The following ARL10 variants were observed in gnomAD, a reference collection of about 807,000 sequenced individuals.
ARL10 encodes the protein ARF like GTPase 10.
A neutral mutation model predicts 26.1 loss-of-function variants in ARL10; 23 were observed. That is an observed-to-expected ratio of 0.88 (90% confidence interval 0.63 to 1.25). The LOEUF (loss-of-function observed/expected upper bound fraction) is 1.25, where lower values mean the gene tolerates loss of function less well. Among genes scored for constraint, ARL10 ranks in the 50% most tolerant of loss-of-function variants. The probability of loss-of-function intolerance (pLI) is 0.00; values close to 1 mark genes in which losing one functional copy is unlikely to be tolerated. For synonymous variants in ARL10, 138 were observed against 149.1 expected, an observed-to-expected ratio of 0.93 and a Z score of 0.54; for missense variants, 300 against 323.6, an observed-to-expected ratio of 0.93 and a Z score of 0.56.
chr5:176,404,485 C>T (rs1232435670), downstream of ARL10, among the ~76,000 whole-genome samples: 1 of 152,228 alleles, frequency 6.6e-6, no homozygotes, highest in Non-Finnish European at 1.5e-5. Context: ...GACTAGCCCA[C>T]AGCCAGCCAG....
chr5:176,380,904 T>A lies in ARL10; in HGVS notation c.*9009T>A, dbSNP rs1473553435. 6.6e-6 allele frequency: 1 copy of A among 152,210 alleles called. No individual in the cohort carries two copies. Among genetic ancestry groups the A allele is most frequent in the African/African-American group, 2.4e-5 (1 of 41,432 alleles). The allele number at this position is 152,210 out of a possible 1,614,324, so 9.4% of individuals were successfully genotyped here. On this transcript the variant is annotated 3_prime_UTR_variant, in exon 4 of 4. Coordinates refer to ENST00000310389, the MANE Select transcript of ARL10 (RefSeq NM_173664.6). ...CCTCAGCCTCCTGAGTAGCTGGGAC[T>A]ACAGGCATACACCACCACACGCCCA...
At chr5:176,411,807 C>A in the ARL10 span, among the ~76,000 whole-genome samples, 3 of 152,194 alleles carry the variant, frequency 2.0e-5, 1 homozygote, top group Admixed American at 6.6e-5. Context: ...TCCCACAAAC[C>A]CTAAATTCTG....
chr5:176,377,208 T>C lies in ARL10; in HGVS notation c.*5313T>C, dbSNP rs575246986. The stretch of plus-strand genomic sequence containing the variant: ...AGAAAAAAATGAAATTCAAAGCCAA[T>C]GGTGGTATCTTTGGCCAAGATAATC... On this transcript the variant is annotated 3_prime_UTR_variant, in exon 4 of 4. Transcript: ENST00000310389. This position sits in a 1 kb window ranked among gnomAD's most constrained non-coding sequence, Gnocchi z 4.5. 19 of 152,362 alleles carry C rather than the reference T, an allele frequency of 1.2e-4. No homozygotes were observed. The highest frequency in any genetic ancestry group is 2.2e-4 in the Non-Finnish European group (15 of 68,028). The allele number at this position is 152,362 out of a possible 1,614,324, so 9.4% of individuals were successfully genotyped here. A position where few individuals can be genotyped will look rare whatever the true frequency, so the allele number is the denominator to read the frequency against.
Position 176,374,902 on chromosome 5 carries a change from T to G in ARL10, c.*3007T>G, listed in dbSNP as rs1486652497. ...ATCCTTGATGTGTTTGGTGGCAGTA[T>G]CTACAGAAGCGGCAGCCACCACCGC... On this transcript the variant is annotated 3_prime_UTR_variant, in exon 4 of 4. Transcript: ENST00000310389. The G allele has an allele frequency of 6.6e-6, 1 of 152,222 alleles. No individual in the cohort carries two copies. Among genetic ancestry groups the G allele is most frequent in the African/African-American group, 2.4e-5 (1 of 41,456 alleles). 9.4% of individuals were successfully genotyped at this position (152,222 alleles called of 1,614,324 possible).
At position 176,374,682 on chromosome 5, in the gene ARL10, C is replaced by T. The variant is rs1768638074; in HGVS notation, c.*2787C>T. 1 of 152,168 alleles carries T rather than the reference C, an allele frequency of 6.6e-6. No individual in the cohort carries two copies. Among genetic ancestry groups the T allele is most frequent in the Admixed American group, 6.5e-5 (1 of 15,274 alleles). The allele number at this position is 152,168 out of a possible 1,614,324, so 9.4% of individuals were successfully genotyped here. Reference sequence around the variant, plus strand: ...AAGGACATAGTTCACTATGAAGTACCTTAATTGTAAAGTGTTTGATTTTTT... The same window carrying T: ...AAGGACATAGTTCACTATGAAGTACTTTAATTGTAAAGTGTTTGATTTTTT... On this transcript the variant is annotated 3_prime_UTR_variant, in exon 4 of 4. Coordinates refer to ENST00000310389, the MANE Select transcript of ARL10 (RefSeq NM_173664.6).
chr5:176,412,040 G>T, the ARL10 span, among the ~76,000 whole-genome samples: 11 of 152,020 alleles, frequency 7.2e-5, no homozygotes, highest in Middle Eastern at 6.3e-3. Context: ...GCCAGGCGTG[G>T]TGGCAGGCGC....
the ARL10 span, among the ~76,000 whole-genome samples, chr5:176,412,766 A>G: frequency 6.6e-6 from 1 of 152,168 alleles, no homozygotes; most frequent in African/African-American, 2.4e-5. Flanking sequence ...ATTCCTTCAG[A>G]TAAGGCTTCT....
At position 176,374,491 on chromosome 5, in the gene ARL10, G is replaced by T. The variant is rs1284370419; in HGVS notation, c.*2596G>T. ...TACAACACATCAGTGGGGACCTTAG[G>T]ATGGCTATCAGGAGTGTAATACCAA... On this transcript the variant is annotated 3_prime_UTR_variant, in exon 4 of 4. Coordinates refer to ENST00000310389, the MANE Select transcript of ARL10 (RefSeq NM_173664.6). 6.6e-6 allele frequency: 1 copy of T among 152,174 alleles called. No homozygotes were observed. The highest frequency in any genetic ancestry group is 1.5e-5 in the Non-Finnish European group (1 of 68,040). 9.4% of individuals were successfully genotyped at this position (152,174 alleles called of 1,614,324 possible).
intron 2 of ARL10, among the ~76,000 whole-genome samples, chr5:176,367,757 T>C (rs1462510909): frequency 6.6e-6 from 1 of 152,256 alleles, no homozygotes; most frequent in African/African-American, 2.4e-5. Flanking sequence ...TGCCACTTCC[T>C]TGATGAGACC....
At chr5:176,403,147 T>C (rs1035691135), downstream of ARL10, among the ~76,000 whole-genome samples, 1 of 151,344 alleles carries the variant, frequency 6.6e-6, no homozygotes, top group African/African-American at 2.4e-5. Flanking sequence ...CCTCCTGGGT[T>C]CAAGCGATTC....
chr5:176,403,084 C>T (rs1581434817), downstream of ARL10, among the ~76,000 whole-genome samples: 1 of 146,334 alleles, frequency 6.8e-6, no homozygotes, highest in East Asian at 2.0e-4. Flanking sequence ...GAGTCTCGCT[C>T]TGTCGCCCAG....
chr5:176,414,508 G>A, the ARL10 span, among the ~76,000 whole-genome samples: 12 of 147,676 alleles, frequency 8.1e-5, no homozygotes, highest in Non-Finnish European at 7.5e-5. Context: ...CACAGCACAC[G>A]GCGACCTACC....
chr5:176,397,296 GT>G (rs1412153132), intron 1 of ARL10, among the ~76,000 whole-genome samples: 3 of 151,478 alleles, frequency 2.0e-5, no homozygotes, highest in African/African-American at 7.3e-5. Context: ...GTTCAGTCAT[GT>G]CCCCACAGCC....
At chr5:176,390,182 C>CAAAAAA (rs60632467), downstream of ARL10, among the ~76,000 whole-genome samples, 32 of 65,190 alleles carry the variant, frequency 4.9e-4, no homozygotes, top group Non-Finnish European at 6.5e-4. Flanking sequence ...AACTCCATCT[C>CAAAAAA]AAAAAAAAAA....
intron 1 of ARL10, chr5:176,397,886 A>G: frequency 6.4e-7 from 1 of 1,556,252 alleles, no homozygotes; most frequent in Middle Eastern, 1.7e-4. Context: ...ACTCCACCCC[A>G]CACACAGCCC....
At chr5:176,406,271 C>T, downstream of ARL10, 3 of 1,040,374 alleles carry the variant, frequency 2.9e-6, no homozygotes, top group Non-Finnish European at 3.5e-6. Flanking sequence ...GAGAAAGGGG[C>T]AGGAATGGCC....
downstream of ARL10, chr5:176,406,665 A>T (rs1251930155): frequency 1.6e-6 from 2 of 1,289,184 alleles, no homozygotes; most frequent in South Asian, 2.5e-5. Context: ...CTTAGGCTGT[A>T]TTGGCAACTG....
At chr5:176,392,711 A>T (rs1756311692), downstream of ARL10, 4 of 1,582,718 alleles carry the variant, frequency 2.5e-6, no homozygotes, top group African/African-American at 2.7e-5. The surrounding 1 kb of genome is among the most constrained non-coding windows in gnomAD (Gnocchi z 5.2). Flanking sequence ...CCCCGACCAA[A>T]GCAGCTGCTC....
At position 176,376,838 on chromosome 5, in the gene ARL10, A is replaced by G. The variant is rs548383821; in HGVS notation, c.*4943A>G. 6.6e-6 allele frequency: 1 copy of G among 152,342 alleles called. No individual in the cohort carries two copies. The highest frequency in any genetic ancestry group is 2.1e-4 in the South Asian group (1 of 4,830). 9.4% of individuals were successfully genotyped at this position (152,342 alleles called of 1,614,324 possible). ...CTGAAGTTTTACCACAGTGTGGGTAATAGAAGAACTTGGTATTGTCTCTTT... is the reference window on the plus strand; with the variant it reads ...CTGAAGTTTTACCACAGTGTGGGTAGTAGAAGAACTTGGTATTGTCTCTTT... On this transcript the variant is annotated 3_prime_UTR_variant, in exon 4 of 4. Transcript: ENST00000310389.
Sources: allele counts gnomAD v4.1 joint callset (sites outside exome capture counted in the v4.1 genomes callset), GRCh38; gene constraint gnomAD v4.1.1; non-coding constraint Gnocchi (gnomAD v3.1); transcripts MANE v1.5; gene names NCBI Gene and HGNC (gene_info 2026-07-23, HGNC 2026-07-21).